The following ZNHIT3 variants were observed in gnomAD, a reference collection of about 807,000 sequenced individuals.
ZNHIT3 encodes zinc finger HIT-type containing 3, also known as zinc finger HIT domain-containing protein 3.
In ZNHIT3, 27 loss-of-function variants were observed where a neutral mutation model predicts 19.9. The observed-to-expected ratio is 1.36, with a 90% CI of 1.00 to 1.87. The LOEUF (loss-of-function observed/expected upper bound fraction) is 1.87. Among genes scored for constraint, ZNHIT3 ranks in the 40% most tolerant of loss-of-function variants. The pLI, the probability that ZNHIT3 is intolerant of heterozygous loss-of-function variation, is 0.00. For synonymous variants in ZNHIT3, 81 were observed against 65.7 expected (o/e 1.23, Z -1.13); for missense variants, 215 against 185.6 (o/e 1.16, Z -0.92).
At chr17:36,493,087 A>C (rs946046991) in intron 3 of ZNHIT3, 188 bp downstream of exon 3, 4 of 623,344 alleles carry the variant, frequency 6.4e-6, no homozygotes, top group Non-Finnish European at 8.5e-6. Flanking sequence ...ACAGCCTGAA[A>C]GCAGTATTCA....
At chr17:36,496,226 C>T, downstream of ZNHIT3, 1 of 1,612,704 alleles carries the variant, frequency 6.2e-7, no homozygotes, top group Non-Finnish European at 8.5e-7. Context: ...AGGAAAAGGC[C>T]TTGTGGAAAC....
chr17:36,496,176 A>T (rs1047919707), downstream of ZNHIT3: 22 of 1,557,532 alleles, frequency 1.4e-5, no homozygotes, highest in African/African-American at 2.7e-4. Context: ...ATAGTCTGGC[A>T]GCTGTGTGCT....
chr17:36,496,283 C>T (rs571947934), downstream of ZNHIT3: 42 of 1,614,022 alleles, frequency 2.6e-5, no homozygotes, highest in East Asian at 2.2e-4. Context: ...GAAGAGGTCA[C>T]GTGGATCAGC....
chr17:36,499,138 C>T (rs1469785537), downstream of ZNHIT3: 20 of 1,608,240 alleles, frequency 1.2e-5, no homozygotes, highest in Middle Eastern at 1.6e-4. Context: ...GGATGTGTTT[C>T]CGAGTTAACC....
chr17:36,499,235 G>A, downstream of ZNHIT3: 3 of 1,029,164 alleles, frequency 2.9e-6, no homozygotes, highest in Non-Finnish European at 4.4e-6. Context: ...CGCTGCAGCA[G>A]CACCACAGTT....
chr17:36,487,068 C>CCCG, intron 2 of ZNHIT3, 102 bp downstream of exon 2: 1 of 1,495,304 alleles, frequency 6.7e-7, no homozygotes, highest in Non-Finnish European at 9.0e-7. Context: ...CGCTTCCTTT[C>CCCG]CCGCCTCGGG....
intron 2 of ZNHIT3, chr17:36,490,312 A>G (rs1448809582): frequency 2.0e-5 from 3 of 151,796 alleles, no homozygotes; most frequent in African/African-American, 7.3e-5. Context: ...CAGTTATCCT[A>G]TTTTTCCAGT....
chr17:36,495,747 TTC>T lies in ZNHIT3; in HGVS notation c.*345_*346del, dbSNP rs2070911632. On this transcript the variant is annotated 3_prime_UTR_variant, in exon 5 of 5. Coordinates refer to ENST00000617429, the MANE Select transcript of ZNHIT3 (RefSeq NM_004773.4). The stretch of plus-strand genomic sequence containing the variant: ...CAGTGTTAATAAAATCAAAACGTGA[TTC>T]TACTGTACATTGCATTATTCATAAT... The T allele has an allele frequency of 5.6e-6, 7 of 1,246,390 alleles. No individual in the cohort carries two copies. The highest frequency in any genetic ancestry group is 6.0e-6 in the Non-Finnish European group (6 of 996,598). The allele number at this position is 1,246,390 out of a possible 1,614,324, so 77.2% of individuals were successfully genotyped here.
At chr17:36,493,816 C>A in intron 3 of ZNHIT3, 110 bp from the exon 4 acceptor site, 1 of 744,562 alleles carries the variant, frequency 1.3e-6, no homozygotes, top group South Asian at 1.6e-5. Flanking sequence ...ATACCCCTAT[C>A]ACTATCACAT....
Position 36,495,292 on chromosome 17 carries a change from A to C in ZNHIT3, c.356A>C (p.Gln119Pro). 2.5e-6 allele frequency: 4 copies of C among 1,613,766 alleles called. No individual in the cohort carries two copies. The highest frequency in any genetic ancestry group is 2.5e-6 in the Non-Finnish European group (3 of 1,179,940). The stretch of plus-strand genomic sequence containing the variant: ...AGGCAGTTGATGGTCAACCTCGATC[A>C]GGGAGAAGACAAAGCAAAGCTCATG... ...HLRQLMVNLD[Q>P]GEDKAKLMRA... The change falls in exon 5 of 5, where the codon CAG becomes CCG. Residue 119 changes from glutamine to proline, a missense_variant. Gln to Pro is a moderately conservative substitution (Grantham distance 76). Coordinates refer to ENST00000617429, the MANE Select transcript of ZNHIT3 (RefSeq NM_004773.4).
intron 3 of ZNHIT3, chr17:36,493,264 G>T: frequency 3.4e-6 from 1 of 293,606 alleles, no homozygotes; most frequent in Non-Finnish European, 6.4e-6. Flanking sequence ...CCAGGCAGGA[G>T]GCTTTCTTTG....
At chr17:36,496,165 AAT>A (rs2070947242), downstream of ZNHIT3, 1 of 1,527,710 alleles carries the variant, frequency 6.5e-7, no homozygotes, top group East Asian at 2.3e-5. Flanking sequence ...GCACTGTGGG[AAT>A]AGTCTGGCAG....
chr17:36,495,580 T>C lies in ZNHIT3; in HGVS notation c.*176T>C. On this transcript the variant is annotated 3_prime_UTR_variant, in exon 5 of 5. Coordinates refer to ENST00000617429, the MANE Select transcript of ZNHIT3 (RefSeq NM_004773.4). ...GATGTGGCTCATGTTTCAGGCAGAC[T>C]TGGGGTCCTTAAGGTGGCAAGTCCT... 1 of 1,307,642 alleles carries C rather than the reference T, an allele frequency of 7.6e-7. No individual in the cohort carries two copies. Among genetic ancestry groups the C allele is most frequent in the Non-Finnish European group, 9.7e-7 (1 of 1,031,708 alleles). 81.0% of individuals were successfully genotyped at this position (1,307,642 alleles called of 1,614,324 possible). A position where few individuals can be genotyped will look rare whatever the true frequency, so the allele number is the denominator to read the frequency against.
intron 1 of ZNHIT3, 52 bp from the exon 2 acceptor site, chr17:36,486,883 A>G: frequency 3.1e-6 from 5 of 1,591,790 alleles, no homozygotes; most frequent in Non-Finnish European, 4.3e-6. Flanking sequence ...GGGCTGCTGG[A>G]GGGGCCGGGG....
Position 36,492,892 on chromosome 17 carries a change from A to G in ZNHIT3, c.198A>G (p.Glu66=). ...ALPTKTVKPV[E]NKDDDDSIAD... is the part of the protein sequence containing the mutation. ...CTACCAAAACCGTAAAGCCTGTGGA[A>G]AACAAAGGTGGGTTGGTTGACTTCA... Residue 66 remains glutamate (E), a synonymous_variant, in exon 3 of 5, where the codon GAA becomes GAG. Coordinates refer to ENST00000617429, the MANE Select transcript of ZNHIT3 (RefSeq NM_004773.4). 1 of 1,614,192 alleles carries G rather than the reference A, an allele frequency of 6.2e-7. No individual in the cohort carries two copies. The highest frequency in any genetic ancestry group is 8.5e-7 in the Non-Finnish European group (1 of 1,180,026).
At chr17:36,498,946 G>T, downstream of ZNHIT3, 1 of 697,306 alleles carries the variant, frequency 1.4e-6, no homozygotes, top group Non-Finnish European at 2.5e-6. Context: ...GGAATATGAG[G>T]CTCAGAGAGG....
Position 36,495,433 on chromosome 17 carries a change from G to T in ZNHIT3, c.*29G>T. 1 of 1,550,748 alleles carries T rather than the reference G, an allele frequency of 6.4e-7. No individual in the cohort carries two copies. The highest frequency in any genetic ancestry group is 8.7e-7 in the Non-Finnish European group (1 of 1,149,776). On this transcript the variant is annotated 3_prime_UTR_variant, in exon 5 of 5. Coordinates refer to ENST00000617429, the MANE Select transcript of ZNHIT3 (RefSeq NM_004773.4). ...GGATTATTGTGCTGCTTGCTCAAGCGTGTGCTTGACTCCTGGAACCTGCCT... is the reference window on the plus strand; with the variant it reads ...GGATTATTGTGCTGCTTGCTCAAGCTTGTGCTTGACTCCTGGAACCTGCCT...
At chr17:36,490,646 AT>A (rs1319607423) in intron 2 of ZNHIT3, 6 of 152,058 alleles carry the variant, frequency 3.9e-5, no homozygotes, top group Non-Finnish European at 8.8e-5. Context: ...TTTGATAGGG[AT>A]TGCATTGACT....
chr17:36,496,298 G>T, downstream of ZNHIT3: 1 of 1,614,060 alleles, frequency 6.2e-7, no homozygotes, highest in African/African-American at 1.3e-5. Context: ...ATCAGCCTGT[G>T]TCTTTCCAGC....
Sources: gnomAD v4.1 joint callset for allele counts on GRCh38, gnomAD v4.1.1 for gene constraint, MANE v1.5 for transcripts, NCBI Gene and HGNC (gene_info 2026-07-23, HGNC 2026-07-21) for gene names.